RORB: variants seen among roughly 807,000 people sequenced by gnomAD.
RORB encodes RAR related orphan receptor B.
RORB carries 6 observed loss-of-function variants against 59.1 expected under a neutral mutation model. The ratio of observed to expected loss-of-function variants is 0.10; its 90% CI spans 0.06 to 0.20. The LOEUF (loss-of-function observed/expected upper bound fraction) is 0.20. RORB is among the 10% of genes least tolerant of loss of function. The pLI is 1.00. For synonymous variants in RORB, 215 were observed against 204.5 expected (o/e 1.05, Z -0.44); for missense variants, 320 against 560.5 (o/e 0.57, Z 4.33).
At chr9:74,520,020 T>A (rs1443416676) in intron 1 of RORB, among the ~76,000 whole-genome samples, 1 of 151,928 alleles carries the variant, frequency 6.6e-6, no homozygotes, top group African/African-American at 2.4e-5. Flanking sequence ...AAGGCCCACT[T>A]TGCTAACTGC....
intron 3 of RORB, among the ~76,000 whole-genome samples, chr9:74,639,168 A>T (rs993484730): frequency 6.6e-6 from 1 of 152,228 alleles, no homozygotes; most frequent in African/African-American, 2.4e-5. Context: ...GGGATGACCA[A>T]GGAGGTCTGG....
chr9:74,652,386 G>A (rs1329788875), intron 4 of RORB, among the ~76,000 whole-genome samples: 1 of 152,102 alleles, frequency 6.6e-6, no homozygotes, highest in Non-Finnish European at 1.5e-5. Context: ...CCAGCTGGGC[G>A]ACAGATCAAG....
At position 74,642,431 on chromosome 9, in the gene RORB, A is replaced by C. The variant is rs1423926773; in HGVS notation, c.253A>C (p.Met85Leu). Residue 85 changes from methionine to leucine, a missense_variant, in exon 4 of 10, where the codon ATG becomes CTG. This residue lies in a region of RORB where 37 missense variants were observed against 116.4 expected (regional missense o/e 0.32). Coordinates refer to ENST00000376896, the MANE Select transcript of RORB (RefSeq NM_006914.4). ...CAACCCAGCTGTGAAGTTTGGGAGG[A>C]TGTCCAAGAAGCAAAGGGACAGCCT... ...MSRDAVKFGR[M>L]SKKQRDSLYA... 6.2e-7 allele frequency: 1 copy of C among 1,610,102 alleles called. No individual in the cohort carries two copies. Among genetic ancestry groups the C allele is most frequent in the Non-Finnish European group, 8.5e-7 (1 of 1,177,870 alleles).
At chr9:74,499,518 G>C (rs1264258511) in intron 1 of RORB, among the ~76,000 whole-genome samples, 1 of 152,174 alleles carries the variant, frequency 6.6e-6, no homozygotes, top group East Asian at 1.9e-4. Flanking sequence ...AAACAAGGAC[G>C]TCCTGATGGG....
In RORB at chr9:74,671,882, A is replaced by G. The variant is rs762041376; in HGVS notation, c.1205A>G (p.Asp402Gly). The G allele has an allele frequency of 3.7e-6, 6 of 1,607,632 alleles. No individual in the cohort carries two copies. The South Asian group carries it at 6.6e-5, about 18-fold the overall frequency. Residue 402 changes from aspartate to glycine, a missense_variant, in exon 9 of 10, where the codon GAT (aspartate) becomes GGT (glycine). Physicochemically the swap from Asp to Gly is moderately conservative, Grantham distance 94. This residue lies in a region of RORB where 109 missense variants were observed against 171.0 expected (regional missense o/e 0.64). Coordinates refer to ENST00000376896, the MANE Select transcript of RORB (RefSeq NM_006914.4). Reference protein sequence around the residue: ...LQHVIQKNHLDDETLAKLIAK... With the variant: ...LQHVIQKNHLGDETLAKLIAK... The stretch of plus-strand genomic sequence containing the variant: ...CATGTGATTCAGAAGAATCACCTGG[A>G]TGATGAGACCTTGGCAAAGGTAGGT...
At chr9:74,584,214 G>A (rs1190328367) in intron 1 of RORB, among the ~76,000 whole-genome samples, 1 of 152,124 alleles carries the variant, frequency 6.6e-6, no homozygotes, top group African/African-American at 2.4e-5. Flanking sequence ...CCAATTATGT[G>A]GGTTTTGTTG....
At chr9:74,504,592 T>C (rs1215474704) in intron 1 of RORB, among the ~76,000 whole-genome samples, 1 of 152,078 alleles carries the variant, frequency 6.6e-6, no homozygotes, top group Admixed American at 6.6e-5. Context: ...ATTACTAAAA[T>C]GGGTATTTAC....
intron 1 of RORB, among the ~76,000 whole-genome samples, chr9:74,510,938 A>T (rs2118039064): frequency 6.6e-6 from 1 of 152,334 alleles, no homozygotes; most frequent in South Asian, 2.1e-4. Flanking sequence ...ATAGTGATAC[A>T]GTCTTTTAAC....
chr9:74,535,725 T>C (rs1024158224), intron 1 of RORB, among the ~76,000 whole-genome samples: 1 of 152,044 alleles, frequency 6.6e-6, no homozygotes, highest in South Asian at 2.1e-4. Flanking sequence ...ATACTTCCCA[T>C]GAGCTATCCA....
chr9:74,590,227 A>G (rs1342601316), intron 1 of RORB, among the ~76,000 whole-genome samples: 1 of 152,170 alleles, frequency 6.6e-6, no homozygotes, highest in East Asian at 1.9e-4. Flanking sequence ...TGTCTACTGG[A>G]CTGAAATGCA....
chr9:74,658,077 A>T (rs1824118132), intron 4 of RORB, among the ~76,000 whole-genome samples: 1 of 151,678 alleles, frequency 6.6e-6, no homozygotes, highest in South Asian at 2.1e-4. Context: ...CTGTACCTTG[A>T]CCTGATATAG....
intron 4 of RORB, among the ~76,000 whole-genome samples, chr9:74,650,303 T>C (rs1322630616): frequency 2.0e-5 from 3 of 152,224 alleles, no homozygotes; most frequent in Non-Finnish European, 2.9e-5. Context: ...TCTGAATTAC[T>C]TTTCCACTGG....
intron 1 of RORB, among the ~76,000 whole-genome samples, chr9:74,535,843 C>G (rs1826314955): frequency 6.6e-6 from 1 of 151,854 alleles, no homozygotes; most frequent in African/African-American, 2.4e-5. Context: ...TAACATTACT[C>G]ATTTATAAGA....
chr9:74,626,622 A>C (rs544316783), intron 1 of RORB, among the ~76,000 whole-genome samples: 2 of 152,310 alleles, frequency 1.3e-5, no homozygotes, highest in Admixed American at 6.5e-5. Flanking sequence ...CTCTTTCCTC[A>C]GTTTCCTTCT....
At chr9:74,558,202 A>C (rs1459367962) in intron 1 of RORB, among the ~76,000 whole-genome samples, 3 of 152,158 alleles carry the variant, frequency 2.0e-5, no homozygotes, top group African/African-American at 7.2e-5. Flanking sequence ...CACAGCCCTC[A>C]GAGCTACCCT....
At chr9:74,521,245 G>A (rs1307927196) in intron 1 of RORB, among the ~76,000 whole-genome samples, 1 of 151,834 alleles carries the variant, frequency 6.6e-6, no homozygotes, top group South Asian at 2.1e-4. Context: ...AACAACAACA[G>A]TATCATCCAG....
At chr9:74,615,252 TG>T (rs1563953393) in intron 1 of RORB, among the ~76,000 whole-genome samples, 1 of 152,204 alleles carries the variant, frequency 6.6e-6, no homozygotes, top group Non-Finnish European at 1.5e-5. Flanking sequence ...TCCAAAAGGA[TG>T]AAAACAAAGG....
At chr9:74,655,488 T>C (rs1425395633) in intron 4 of RORB, among the ~76,000 whole-genome samples, 1 of 152,236 alleles carries the variant, frequency 6.6e-6, no homozygotes, top group Non-Finnish European at 1.5e-5. Flanking sequence ...ATGAAGGATG[T>C]GAGATTGCCC....
chr9:74,579,728 T>C (rs533348083), intron 1 of RORB, among the ~76,000 whole-genome samples: 15 of 152,126 alleles, frequency 9.9e-5, no homozygotes, highest in African/African-American at 3.6e-4. Context: ...AAATGGAAAA[T>C]ACCAGATTTT....
Sources: allele counts gnomAD v4.1 joint callset (sites outside exome capture counted in the v4.1 genomes callset), GRCh38; gene constraint gnomAD v4.1.1; regional missense constraint gnomAD v4.1.1; transcripts MANE v1.5; gene names NCBI Gene and HGNC (gene_info 2026-07-23, HGNC 2026-07-21).